Variants in GALNT15 observed in about 807,000 individuals in gnomAD.
GALNT15 encodes polypeptide N-acetylgalactosaminyltransferase 15.
Under a neutral mutation model 66.8 loss-of-function variants are expected in GALNT15, and 67 were observed. That is an observed-to-expected ratio of 1.00 (90% CI 0.82 to 1.23). GALNT15 has a LOEUF of 1.23. Ranked by LOEUF, GALNT15 falls within the 50% of genes most tolerant of loss-of-function variation. The pLI is 0.00. For missense variants in GALNT15, 827 were observed against 804.3 expected, an observed-to-expected ratio of 1.03 and a Z score of -0.34; for synonymous variants, 313 against 311.5, an observed-to-expected ratio of 1.00 and a Z score of -0.05.
intron 8 of GALNT15, 157 bp downstream of exon 8, chr3:16,220,171 C>T: frequency 3.1e-6 from 2 of 644,570 alleles, no homozygotes; most frequent in Non-Finnish European, 2.8e-6. Context: ...TGACTCATCA[C>T]AGCTCTCCTC....
In GALNT15 at chr3:16,184,209, G is replaced by A. The variant is rs1423077148; in HGVS notation, c.539+8519G>A. On this transcript the variant is annotated intron_variant, in intron 1 of 9. Transcript: ENST00000339732. The surrounding 1 kb of genome is among the most constrained non-coding windows in gnomAD (Gnocchi z 5.0). ...GACACTTGAGTGACACATACAAACC[G>A]AGATAGTAAAATATTCACCGGATAT... Among the ~76,000 whole-genome samples, 3 of 152,182 alleles carry A rather than the reference G, an allele frequency of 2.0e-5. No homozygotes were observed. Among genetic ancestry groups the A allele is most frequent in the Non-Finnish European group, 2.9e-5 (2 of 68,044 alleles).
intron 3 of GALNT15, among the ~76,000 whole-genome samples, chr3:16,206,567 G>A (rs2063759411): frequency 6.6e-6 from 1 of 150,438 alleles, no homozygotes; most frequent in South Asian, 2.1e-4. Flanking sequence ...CAGCTACTTG[G>A]GAGGCTGAGG....
downstream of GALNT15, chr3:16,232,051 A>T: frequency 8.5e-7 from 1 of 1,178,580 alleles, no homozygotes; most frequent in African/African-American, 1.6e-5. Flanking sequence ...CTGTTCAGAG[A>T]GGGTGAAAGG....
rs1302687174 is a variant in GALNT15 at position 16,209,835 on chromosome 3, A to AAAAAAC, written c.1079+1169_1079+1170insACAAAA. 1.3e-5 allele frequency among the ~76,000 whole-genome samples: 2 copies of AAAAAAC among 152,210 alleles called. No homozygotes were observed. Among genetic ancestry groups the AAAAAAC allele is most frequent in the African/African-American group, 4.8e-5 (2 of 41,456 alleles). ...AGATTCTGTCTCAAAAACAAAAAAC[A>AAAAAAC]AAAACAAAATCATTAGGCAGCAAAA... is the stretch of plus-strand genomic sequence containing the variant. On this transcript the variant is annotated intron_variant, in intron 4 of 9. Coordinates refer to ENST00000339732, the MANE Select transcript of GALNT15 (RefSeq NM_054110.5). The surrounding 1 kb of genome is among the most constrained non-coding windows in gnomAD (Gnocchi z 4.1).
downstream of GALNT15, chr3:16,231,902 C>A (rs1472465535): frequency 6.5e-6 from 10 of 1,535,496 alleles, no homozygotes. The surrounding 1 kb of genome is among the most constrained non-coding windows in gnomAD (Gnocchi z 4.1). Flanking sequence ...CAGAGATCCT[C>A]AAGAAGGCAC....
Position 16,222,757 on chromosome 3 carries a change from A to C in GALNT15, c.1772A>C (p.Glu591Ala), listed in dbSNP as rs761594229. The change falls in exon 9 of 10, where the codon GAG (glutamate) becomes GCG (alanine). Residue 591 changes from glutamate (E) to alanine (A), a missense_variant and splice_region_variant. Coordinates refer to ENST00000339732, the MANE Select transcript of GALNT15 (RefSeq NM_054110.5). ...CACCAGCAGCACTGGGACTTCCAGG[A>C]GGTGAGTAATCTGTTCAGGAAGAGC... is the stretch of plus-strand genomic sequence containing the variant. ...AIHQQHWDFQ[E>A]NGMIVHILSG... The C allele has an allele frequency of 1.9e-6, 3 of 1,613,950 alleles. No homozygotes were observed. Among genetic ancestry groups the C allele is most frequent in the Non-Finnish European group, 2.5e-6 (3 of 1,179,984 alleles).
chr3:16,231,729 T>C (rs776526396), downstream of GALNT15: 1 of 1,289,612 alleles, frequency 7.8e-7, no homozygotes, highest in Non-Finnish European at 1.1e-6. The surrounding 1 kb of genome is among the most constrained non-coding windows in gnomAD (Gnocchi z 4.1). Context: ...CCAGTACCTA[T>C]GACAAATGCT....
chr3:16,180,499 A>AC lies in GALNT15; in HGVS notation c.539+4815dup. On this transcript the variant is annotated intron_variant, in intron 1 of 9. Transcript: ENST00000339732. The surrounding 1 kb of genome is among the most constrained non-coding windows in gnomAD (Gnocchi z 5.0). ...CTTCCCAAAAGTATGTGCACACCCA[A>AC]CCCCCCTATATTGCTTGTTAAAAAG... 6.6e-6 allele frequency among the ~76,000 whole-genome samples: 1 copy of AC among 151,558 alleles called. No homozygotes were observed. The highest frequency in any genetic ancestry group is 2.4e-5 in the African/African-American group (1 of 41,248).
At chr3:16,239,050 G>A in the GALNT15 span, among the ~76,000 whole-genome samples, 1 of 152,266 alleles carries the variant, frequency 6.6e-6, no homozygotes, top group African/African-American at 2.4e-5. The surrounding 1 kb of genome is among the most constrained non-coding windows in gnomAD (Gnocchi z 5.2). Flanking sequence ...GCACAAGATG[G>A]TCACCACAAC....
At chr3:16,199,811 T>C (rs2063679858) in intron 2 of GALNT15, among the ~76,000 whole-genome samples, 1 of 152,176 alleles carries the variant, frequency 6.6e-6, no homozygotes. Context: ...GTCTGGCACC[T>C]GCAGCAGAGA....
At chr3:16,244,254 C>T in the GALNT15 span, among the ~76,000 whole-genome samples, 3 of 152,170 alleles carry the variant, frequency 2.0e-5, no homozygotes, top group Non-Finnish European at 2.9e-5. Flanking sequence ...TGACAGAGCT[C>T]GCCGATCCAT....
rs1001436102 is a variant in GALNT15 at position 16,187,904 on chromosome 3, C to T, written c.540-7856C>T. ...GCATCACAGGTGCTACCCTATTCCTCCATTCTCCCTCAGTGAAAACAAATC... is the reference window on the plus strand; with the variant it reads ...GCATCACAGGTGCTACCCTATTCCTTCATTCTCCCTCAGTGAAAACAAATC... On this transcript the variant is annotated intron_variant, in intron 1 of 9. Transcript: ENST00000339732. This position sits in a 1 kb window ranked among gnomAD's most constrained non-coding sequence, Gnocchi z 5.1. Among the ~76,000 whole-genome samples the T allele has an allele frequency of 2.6e-5, 4 of 152,194 alleles. No homozygotes were observed. The highest frequency in any genetic ancestry group is 2.6e-4 in the Admixed American group (4 of 15,274).
At position 16,182,396 on chromosome 3, in the gene GALNT15, G is replaced by A. The variant is rs182825659; in HGVS notation, c.539+6706G>A. 1.9e-3 allele frequency among the ~76,000 whole-genome samples: 296 copies of A among 152,340 alleles called. 2 individuals carry two copies. Among genetic ancestry groups the A allele is most frequent in the Middle Eastern group, 0.014 (4 of 294 alleles). ...AACTCACTCTCTAAGTGATTCTAAT[G>A]TGTAACCAGGCTGAGGACCACTGCT... On this transcript the variant is annotated intron_variant, in intron 1 of 9. Transcript: ENST00000339732. The surrounding 1 kb of genome is among the most constrained non-coding windows in gnomAD (Gnocchi z 6.1).
Position 16,222,688 on chromosome 3 carries a change from A to G in GALNT15, c.1703A>G (p.Glu568Gly). ...CACCTGTGCTTTGCTGTCAGGCAGGAGCAGGTGATTCTTCAGAACTGCACG... is the reference window on the plus strand; with the variant it reads ...CACCTGTGCTTTGCTGTCAGGCAGGGGCAGGTGATTCTTCAGAACTGCACG... ...PQHLCFAVRQ[E>G]QVILQNCTEE... Residue 568 changes from glutamate (E) to glycine (G), a missense_variant, in exon 9 of 10, where the codon GAG becomes GGG. Transcript: ENST00000339732. 1 of 1,614,232 alleles carries G rather than the reference A, an allele frequency of 6.2e-7. No individual in the cohort carries two copies. Among genetic ancestry groups the G allele is most frequent in the Non-Finnish European group, 8.5e-7 (1 of 1,180,030 alleles).
In GALNT15 at chr3:16,175,359, G is replaced by A; in HGVS notation, c.208G>A (p.Glu70Lys). The A allele has an allele frequency of 6.2e-7, 1 of 1,614,202 alleles. No individual in the cohort carries two copies. Among genetic ancestry groups the A allele is most frequent in the Non-Finnish European group, 8.5e-7 (1 of 1,180,034 alleles). The change falls in exon 1 of 10, where the codon GAA (glutamate) becomes AAA (lysine). Residue 70 changes from glutamate to lysine, a missense_variant. Glu to Lys is a moderately conservative substitution (Grantham distance 56). Transcript: ENST00000339732. This position sits in a 1 kb window ranked among gnomAD's most constrained non-coding sequence, Gnocchi z 5.6. The part of the protein sequence containing the change: ...DFGESQDWVL[E>K]AEDEGEEYSP... ...TGGGGAATCCCAGGATTGGGTACTG[G>A]AAGCTGAGGATGAGGGTGAAGAGTA...
Position 16,219,560 on chromosome 3 carries a change from G to T in GALNT15, c.1524+26G>T. The T allele has an allele frequency of 6.2e-7, 1 of 1,609,630 alleles. No individual in the cohort carries two copies. The highest frequency in any genetic ancestry group is 1.3e-5 in the African/African-American group (1 of 74,774). ...GCAAGGCATGACCCAGGGAAGATGG[G>T]GAGGGACAGGGAAGCTTCCCAAGAC... On this transcript the variant is annotated intron_variant, in intron 7 of 9. Coordinates refer to ENST00000339732, the MANE Select transcript of GALNT15 (RefSeq NM_054110.5). The surrounding 1 kb of genome is among the most constrained non-coding windows in gnomAD (Gnocchi z 4.3).
Position 16,228,509 on chromosome 3 carries a change from C to A in GALNT15, c.*1009C>A. ...TACAAAAATTAGCTGGGCATGGTGG[C>A]GCATACCTGTAATCCCAGCTACTTG... On this transcript the variant is annotated 3_prime_UTR_variant, in exon 10 of 10. Coordinates refer to ENST00000339732, the MANE Select transcript of GALNT15 (RefSeq NM_054110.5). 1.8e-6 allele frequency: 1 copy of A among 545,250 alleles called. No homozygotes were observed. The highest frequency in any genetic ancestry group is 2.3e-6 in the Non-Finnish European group (1 of 428,104). The allele number at this position is 545,250 out of a possible 1,614,324, so 33.8% of individuals were successfully genotyped here. A position where few individuals can be genotyped will look rare whatever the true frequency, so the allele number is the denominator to read the frequency against.
chr3:16,174,709 G>A lies in GALNT15; in HGVS notation c.-443G>A, dbSNP rs912127879. 7.7e-5 allele frequency: 14 copies of A among 182,740 alleles called. No homozygotes were observed. The highest frequency in any genetic ancestry group is 1.6e-4 in the African/African-American group (7 of 42,654). The allele number at this position is 182,740 out of a possible 1,614,324, so 11.3% of individuals were successfully genotyped here. On this transcript the variant is annotated 5_prime_UTR_variant, in exon 1 of 10. Coordinates refer to ENST00000339732, the MANE Select transcript of GALNT15 (RefSeq NM_054110.5). This position sits in a 1 kb window ranked among gnomAD's most constrained non-coding sequence, Gnocchi z 4.7. ...CTGTTGATCTGACCTGACTGGAAGC[G>A]TCCAAAGAGGGACGGCTGTCAGCCC...
the GALNT15 span, among the ~76,000 whole-genome samples, chr3:16,237,477 C>T: frequency 6.6e-6 from 1 of 152,224 alleles, no homozygotes; most frequent in Admixed American, 6.5e-5. This position sits in a 1 kb window ranked among gnomAD's most constrained non-coding sequence, Gnocchi z 4.2. Flanking sequence ...GTTCCAAGCT[C>T]TCCAGCCCTA....
Sources: gnomAD v4.1 joint callset for allele counts (sites outside exome capture counted in the v4.1 genomes callset) on GRCh38, gnomAD v4.1.1 for gene constraint, Gnocchi (gnomAD v3.1) non-coding constraint, MANE v1.5 for transcripts, NCBI Gene and HGNC (gene_info 2026-07-23, HGNC 2026-07-21) for gene names.